The following OVOL2 variants were observed in gnomAD, a reference collection of about 807,000 sequenced individuals.
OVOL2 encodes the protein transcription factor Ovo-like 2.
In OVOL2, 13 loss-of-function variants were observed where a neutral mutation model predicts 18.1. The observed-to-expected ratio is 0.72, with a 90% CI of 0.47 to 1.14. OVOL2 has a LOEUF of 1.14. OVOL2 is among the 50% of genes most tolerant of loss of function. The pLI is 0.00. For missense variants in OVOL2, 335 were observed against 383.0 expected (o/e 0.87, Z 1.05); for synonymous variants, 166 against 162.7 (o/e 1.02, Z -0.16).
intron 3 of OVOL2, among the ~76,000 whole-genome samples, chr20:18,040,744 G>A (rs2036660322): frequency 6.6e-6 from 1 of 152,206 alleles, no homozygotes; most frequent in African/African-American, 2.4e-5. Context: ...TCCCAGAAGA[G>A]GAAGATGCTT....
intron 2 of OVOL2, 48 bp from the exon 3 acceptor site, chr20:18,041,771 C>A: frequency 6.4e-7 from 1 of 1,560,370 alleles, no homozygotes; most frequent in South Asian, 1.1e-5. Context: ...GCAGGCACAT[C>A]CAGTAGGCTC....
At chr20:18,044,917 A>G (rs1384513794) in intron 2 of OVOL2, among the ~76,000 whole-genome samples, 8 of 152,184 alleles carry the variant, frequency 5.3e-5, no homozygotes, top group Admixed American at 1.3e-4. Flanking sequence ...TGAAGAGAGC[A>G]GTGGTAGCTG....
chr20:18,056,572 G>T lies in OVOL2; in HGVS notation c.321+85C>A. On this transcript the variant is annotated intron_variant, in intron 2 of 3. Transcript: ENST00000278780. This position sits in a 1 kb window ranked among gnomAD's most constrained non-coding sequence, Gnocchi z 4.2. The stretch of plus-strand genomic sequence containing the variant: ...GCGCGGGTGCCGGGTTGCGCAGGCG[G>T]GCGCGGCAGGGAGGGGCGCCGGCCT... The T allele has an allele frequency of 8.0e-7, 1 of 1,248,128 alleles. No individual in the cohort carries two copies. 77.3% of individuals were successfully genotyped at this position (1,248,128 alleles called of 1,614,324 possible).
At chr20:18,055,504 G>C (rs2036813046) in intron 2 of OVOL2, among the ~76,000 whole-genome samples, 1 of 152,122 alleles carries the variant, frequency 6.6e-6, no homozygotes, top group Non-Finnish European at 1.5e-5. Context: ...GCACGGTTTC[G>C]GCAGCTTCTT....
intron 2 of OVOL2, among the ~76,000 whole-genome samples, chr20:18,049,220 C>G (rs2036750319): frequency 6.6e-6 from 1 of 152,208 alleles, no homozygotes; most frequent in Non-Finnish European, 1.5e-5. Flanking sequence ...GCAGAACAAA[C>G]CAATCATTGT....
intron 3 of OVOL2, among the ~76,000 whole-genome samples, chr20:18,028,387 G>A (rs2036538794): frequency 6.6e-6 from 1 of 151,256 alleles, no homozygotes; most frequent in Admixed American, 6.6e-5. Context: ...GTGTTGGCCA[G>A]GCTGGTGTCA....
chr20:18,026,602 CG>C (rs1440426164), intron 3 of OVOL2, among the ~76,000 whole-genome samples: 1 of 152,112 alleles, frequency 6.6e-6, no homozygotes, highest in Non-Finnish European at 1.5e-5. Context: ...AGAATGGTCT[CG>C]ATCTCCTGAC....
intron 2 of OVOL2, among the ~76,000 whole-genome samples, chr20:18,053,683 CAGAG>C (rs1186685846): frequency 2.2e-5 from 3 of 137,522 alleles, no homozygotes; most frequent in South Asian, 4.6e-4. Context: ...CTCCAGGCGA[CAGAG>C]AGAGACTCTG....
At chr20:18,039,467 C>T (rs1438585186) in intron 3 of OVOL2, among the ~76,000 whole-genome samples, 5 of 151,344 alleles carry the variant, frequency 3.3e-5, no homozygotes, top group Non-Finnish European at 5.9e-5. Flanking sequence ...ACAAAAAATA[C>T]AAAATACAAA....
chr20:18,056,746 CG>C lies in OVOL2; in HGVS notation c.231del (p.Glu78ArgfsTer57). On this transcript the variant is annotated frameshift_variant, in exon 2 of 4. Coordinates refer to ENST00000278780, the MANE Select transcript of OVOL2 (RefSeq NM_021220.4). LOFTEE classifies it high-confidence loss of function. This position sits in a 1 kb window ranked among gnomAD's most constrained non-coding sequence, Gnocchi z 4.2. ...GAESSSSPHA[P>X]ESETPEPGDA... ...TCGCCGGGCTCGGGGGTTTCGCTCT[CG>C]GGGGCGTGCGGGGACGAGCTGCTCT... 2 of 1,486,174 alleles carry C rather than the reference CG, an allele frequency of 1.3e-6. No homozygotes were observed. 92.1% of individuals were successfully genotyped at this position (1,486,174 alleles called of 1,614,324 possible).
chr20:18,036,147 G>A (rs906758076), intron 3 of OVOL2, among the ~76,000 whole-genome samples: 2 of 148,280 alleles, frequency 1.3e-5, no homozygotes, highest in Non-Finnish European at 3.0e-5. Context: ...TACAAAATTA[G>A]CCAGGCATGG....
upstream of OVOL2, among the ~76,000 whole-genome samples, chr20:18,058,359 TG>T (rs1390329651): frequency 2.7e-5 from 4 of 149,812 alleles, no homozygotes; most frequent in Admixed American, 6.7e-5. Context: ...TTATTAATAA[TG>T]GGGGGTGGGG....
rs1358685911 is a variant in OVOL2, at chr20:18,057,379, T to C, written c.100+156A>G. 1.3e-5 allele frequency among the ~76,000 whole-genome samples: 2 copies of C among 152,004 alleles called. No individual in the cohort carries two copies. Among genetic ancestry groups the C allele is most frequent in the Non-Finnish European group, 2.9e-5 (2 of 67,970 alleles). ...GAGTCTGGGGCATCCCAGTCCCTCA[T>C]TGCCTGCCCTAACCCGCCTAGAAGA... is the stretch of plus-strand genomic sequence containing the variant. On this transcript the variant is annotated intron_variant, in intron 1 of 3. Coordinates refer to ENST00000278780, the MANE Select transcript of OVOL2 (RefSeq NM_021220.4). This position sits in a 1 kb window ranked among gnomAD's most constrained non-coding sequence, Gnocchi z 6.3.
chr20:18,047,251 G>A lies in OVOL2; in HGVS notation c.322-5528C>T, dbSNP rs1222042087. 3.3e-5 allele frequency among the ~76,000 whole-genome samples: 5 copies of A among 152,082 alleles called. No homozygotes were observed. The East Asian group carries it at 7.7e-4, about 23-fold the overall frequency. Reference sequence around the variant, plus strand: ...TGCATTGGCAGGCGTGGTGGCTCACGCCTGTAATCCCAGCACTTCAGGAGG... The same window carrying A: ...TGCATTGGCAGGCGTGGTGGCTCACACCTGTAATCCCAGCACTTCAGGAGG... On this transcript the variant is annotated intron_variant, in intron 2 of 3. Coordinates refer to ENST00000278780, the MANE Select transcript of OVOL2 (RefSeq NM_021220.4).
At chr20:18,054,666 C>T (rs562427937) in intron 2 of OVOL2, among the ~76,000 whole-genome samples, 3 of 150,450 alleles carry the variant, frequency 2.0e-5, no homozygotes, top group South Asian at 4.2e-4. Flanking sequence ...CACTTGAACC[C>T]GGGAGGCAGA....
upstream of OVOL2, among the ~76,000 whole-genome samples, chr20:18,058,098 C>T (rs1040890739): frequency 2.6e-5 from 4 of 152,152 alleles, no homozygotes; most frequent in African/African-American, 9.7e-5. Flanking sequence ...TTAATCAACC[C>T]CCGCCCCATT....
chr20:18,028,771 C>G (rs2036542035), intron 3 of OVOL2, among the ~76,000 whole-genome samples: 1 of 151,710 alleles, frequency 6.6e-6, no homozygotes, highest in African/African-American at 2.4e-5. Context: ...CCAGCCTGGG[C>G]AATAGAGCGA....
chr20:18,029,748 C>T (rs531574832), intron 3 of OVOL2, among the ~76,000 whole-genome samples: 2 of 152,250 alleles, frequency 1.3e-5, no homozygotes, highest in East Asian at 3.9e-4. Context: ...GAGGCCAAGG[C>T]AGGAGGATCT....
chr20:18,026,382 ATTTT>A (rs11337430), intron 3 of OVOL2, among the ~76,000 whole-genome samples: 2 of 138,858 alleles, frequency 1.4e-5, no homozygotes, highest in South Asian at 2.3e-4. Context: ...TCAGGAATCC[ATTTT>A]TTTTTTTTTT....
Sources: allele counts gnomAD v4.1 joint callset (sites outside exome capture counted in the v4.1 genomes callset), GRCh38; gene constraint gnomAD v4.1.1; non-coding constraint Gnocchi (gnomAD v3.1); transcripts MANE v1.5; gene names NCBI Gene and HGNC (gene_info 2026-07-23, HGNC 2026-07-21).